Variants in ZNF280D observed in about 807,000 individuals in gnomAD.
ZNF280D encodes zinc finger protein 280D, also known as suppressor of hairy wing homolog 4.
A neutral mutation model predicts 94.7 loss-of-function variants in ZNF280D; 39 were observed. The ratio of observed to expected loss-of-function variants is 0.41; its 90% CI spans 0.32 to 0.54. The LOEUF is 0.54. Among genes scored for constraint, ZNF280D ranks in the 20% least tolerant of loss-of-function variants. ZNF280D has a pLI of 0.22. For missense variants in ZNF280D, 1,090 were observed against 1,149.3 expected (o/e 0.95, Z 0.75); for synonymous variants, 398 against 377.6 (o/e 1.05, Z -0.63).
At chr15:56,711,981 T>C (rs1348442583) in intron 1 of ZNF280D, among the ~76,000 whole-genome samples, 3 of 152,286 alleles carry the variant, frequency 2.0e-5, no homozygotes, top group Non-Finnish European at 2.9e-5. Context: ...CACTAGGTAA[T>C]AGGAATTTTT....
intron 3 of ZNF280D, among the ~76,000 whole-genome samples, chr15:56,706,155 G>T (rs1252037327): frequency 7.4e-6 from 1 of 135,622 alleles, no homozygotes; most frequent in African/African-American, 2.8e-5. Context: ...GACACAAGCA[G>T]AAAAGGAGAT....
chr15:56,728,486 T>C (rs752842382), intron 1 of ZNF280D, among the ~76,000 whole-genome samples: 34 of 152,248 alleles, frequency 2.2e-4, no homozygotes, highest in Non-Finnish European at 4.7e-4. Context: ...GCAAAGAAGA[T>C]GGCCGTCCTG....
intron 1 of ZNF280D, among the ~76,000 whole-genome samples, 170 bp downstream of exon 1, chr15:56,733,288 C>A (rs2058994766): frequency 6.6e-6 from 1 of 152,020 alleles, no homozygotes; most frequent in Non-Finnish European, 1.5e-5. Flanking sequence ...GATGGCGGTC[C>A]GGCCGCCGCC....
intron 1 of ZNF280D, among the ~76,000 whole-genome samples, chr15:56,722,018 C>G (rs1269771829): frequency 6.6e-6 from 1 of 152,164 alleles, no homozygotes. Context: ...TGAACACTTA[C>G]AGGCCATTAT....
At chr15:56,711,853 A>G (rs1282056334) in intron 1 of ZNF280D, among the ~76,000 whole-genome samples, 1 of 152,158 alleles carries the variant, frequency 6.6e-6, no homozygotes, top group East Asian at 1.9e-4. Context: ...ACTTACACAA[A>G]CCTAGATGGT....
At chr15:56,658,947 C>T (rs185304658) in intron 16 of ZNF280D, among the ~76,000 whole-genome samples, 86 of 151,930 alleles carry the variant, frequency 5.7e-4, no homozygotes, top group African/African-American at 2.1e-3. Context: ...GGGAAGTAAA[C>T]AGAACTTGAG....
chr15:56,643,070 T>C, intron 19 of ZNF280D, 73 bp from the exon 20 acceptor site: 2 of 974,232 alleles, frequency 2.1e-6, no homozygotes. Flanking sequence ...GTTCTTTCTC[T>C]GCCAGCCTAA....
chr15:56,702,912 C>A (rs1190336125), intron 4 of ZNF280D, among the ~76,000 whole-genome samples: 2 of 1,768 alleles, frequency 1.1e-3, no homozygotes, highest in Non-Finnish European at 6.0e-3. Context: ...GGTAAGTAAA[C>A]ACACACACAC....
Position 56,631,380 on chromosome 15 carries a change from G to A in ZNF280D, c.*118C>T. 9.6e-7 allele frequency: 1 copy of A among 1,045,932 alleles called. No homozygotes were observed. The highest frequency in any genetic ancestry group is 1.6e-5 in the South Asian group (1 of 64,456). 64.8% of individuals were successfully genotyped at this position (1,045,932 alleles called of 1,614,324 possible). On this transcript the variant is annotated 3_prime_UTR_variant, in exon 22 of 22. Coordinates refer to ENST00000267807, the MANE Select transcript of ZNF280D (RefSeq NM_017661.4). The stretch of plus-strand genomic sequence containing the variant: ...GGTTGAACATACAGGTAAAGTGTAT[G>A]TGTGACCTCCCTTACATATTTCCAT...
rs551483991 is a variant in ZNF280D, at chr15:56,707,297, G to T, written c.-76C>A. 121 of 1,530,360 alleles carry T rather than the reference G, an allele frequency of 7.9e-5. No individual in the cohort carries two copies. The highest frequency in any genetic ancestry group is 3.4e-4 in the Middle Eastern group (2 of 5,960). The allele number at this position is 1,530,360 out of a possible 1,614,324, so 94.8% of individuals were successfully genotyped here. On this transcript the variant is annotated 5_prime_UTR_variant, in exon 2 of 22. Coordinates refer to ENST00000267807, the MANE Select transcript of ZNF280D (RefSeq NM_017661.4). ...CCAGACAAGCCAGCAAGTTATTTCT[G>T]TTTTCCTTCCTATAAAATAAAGATA...
chr15:56,678,368 A>G (rs2055388355), intron 11 of ZNF280D, among the ~76,000 whole-genome samples: 1 of 152,212 alleles, frequency 6.6e-6, no homozygotes, highest in South Asian at 2.1e-4. Context: ...AATGAAGAGC[A>G]ATGATTTAAT....
chr15:56,709,461 A>G (rs1248764634), intron 1 of ZNF280D, among the ~76,000 whole-genome samples: 1 of 152,184 alleles, frequency 6.6e-6, no homozygotes, highest in Non-Finnish European at 1.5e-5. Flanking sequence ...CGATTCCTCA[A>G]GGATCTAGTA....
chr15:56,715,260 A>T (rs1296011021), intron 1 of ZNF280D, among the ~76,000 whole-genome samples: 1 of 152,146 alleles, frequency 6.6e-6, no homozygotes, highest in Non-Finnish European at 1.5e-5. Context: ...CTTAAAGTAA[A>T]AATGTTTTCA....
chr15:56,716,467 C>G (rs866633526), intron 1 of ZNF280D, among the ~76,000 whole-genome samples: 1 of 148,784 alleles, frequency 6.7e-6, no homozygotes, highest in Non-Finnish European at 1.5e-5. Context: ...AGAAGATAAG[C>G]CAGCAAATAT....
At chr15:56,717,269 T>C (rs1382833243) in intron 1 of ZNF280D, among the ~76,000 whole-genome samples, 1 of 152,090 alleles carries the variant, frequency 6.6e-6, no homozygotes, top group Admixed American at 6.6e-5. Flanking sequence ...AAATAACAGA[T>C]GTCCACTACA....
chr15:56,675,471 C>T (rs1441075356), intron 13 of ZNF280D, among the ~76,000 whole-genome samples: 1 of 151,172 alleles, frequency 6.6e-6, no homozygotes, highest in Non-Finnish European at 1.5e-5. Flanking sequence ...ACAAAACAAA[C>T]AGTGATCTAT....
At chr15:56,659,030 T>C (rs1320835876) in intron 16 of ZNF280D, among the ~76,000 whole-genome samples, 1 of 152,010 alleles carries the variant, frequency 6.6e-6, no homozygotes, top group African/African-American at 2.4e-5. Context: ...TAGACTTTTT[T>C]TCTTCTTAAG....
intron 1 of ZNF280D, among the ~76,000 whole-genome samples, chr15:56,727,324 T>A (rs963731707): frequency 9.9e-5 from 15 of 152,138 alleles, no homozygotes; most frequent in African/African-American, 3.1e-4. Flanking sequence ...TCAGGCATGG[T>A]GGCGCACGCC....
intron 19 of ZNF280D, chr15:56,643,284 A>G (rs1292326329): frequency 1.9e-5 from 4 of 215,436 alleles, no homozygotes; most frequent in Non-Finnish European, 3.6e-5. Context: ...AGTACAATTT[A>G]AAATAAAAGA....
Sources: gnomAD v4.1 joint callset for allele counts (sites outside exome capture counted in the v4.1 genomes callset) on GRCh38, gnomAD v4.1.1 for gene constraint, MANE v1.5 for transcripts, NCBI Gene and HGNC (gene_info 2026-07-23, HGNC 2026-07-21) for gene names.